The following PAX5 variants were observed in gnomAD, a reference collection of about 807,000 sequenced individuals.
PAX5 encodes the protein paired box 5.
A neutral mutation model predicts 43.7 loss-of-function variants in PAX5; 9 were observed. The ratio of observed to expected loss-of-function variants is 0.21; its 90% CI spans 0.12 to 0.36. The LOEUF is 0.36. Ranked by LOEUF, PAX5 falls within the 10% of genes least tolerant of loss-of-function variation. The pLI, the probability that PAX5 is intolerant of heterozygous loss-of-function variation, is 1.00. For synonymous variants in PAX5, 228 were observed against 214.3 expected, an observed-to-expected ratio of 1.06 and a Z score of -0.56; for missense variants, 383 against 532.7, an observed-to-expected ratio of 0.72 and a Z score of 2.77.
intron 8 of PAX5, among the ~76,000 whole-genome samples, chr9:36,865,818 T>C (rs1310917151): frequency 6.6e-6 from 1 of 152,226 alleles, no homozygotes; most frequent in Non-Finnish European, 1.5e-5. Context: ...CTGGTATGCA[T>C]CCAGACAGGA....
rs188589315 is a variant in PAX5 at position 36,838,906 on chromosome 9, C to A, written c.*1654G>T. 5 of 233,184 alleles carry A rather than the reference C, an allele frequency of 2.1e-5. No individual in the cohort carries two copies. Among genetic ancestry groups the A allele is most frequent in the African/African-American group, 8.8e-5 (4 of 45,342 alleles). 14.4% of individuals were successfully genotyped at this position (233,184 alleles called of 1,614,324 possible). ...CAGGACCAGGACAAGACCTGCCTGG[C>A]CTGCTGATCCCAAGTCCAGTCTCTC... On this transcript the variant is annotated 3_prime_UTR_variant, in exon 10 of 10. Coordinates refer to ENST00000358127, the MANE Select transcript of PAX5 (RefSeq NM_016734.3).
At chr9:36,976,954 G>A (rs955932063) in intron 5 of PAX5, among the ~76,000 whole-genome samples, 14 of 152,308 alleles carry the variant, frequency 9.2e-5, no homozygotes, top group African/African-American at 2.9e-4. Context: ...TCCTGGATCC[G>A]TTGATCCCTG....
intron 3 of PAX5, among the ~76,000 whole-genome samples, chr9:37,011,128 C>CAAAAAAAAAAAAAAA (rs1225031293): frequency 9.9e-6 from 1 of 100,946 alleles, no homozygotes; most frequent in Non-Finnish European, 2.3e-5. Context: ...CTCAAAAAAA[C>CAAAAAAAAAAAAAAA]AAAAAAAAAA....
intron 6 of PAX5, among the ~76,000 whole-genome samples, chr9:36,937,755 C>G (rs972099490): frequency 4.6e-5 from 7 of 152,224 alleles, no homozygotes; most frequent in Admixed American, 2.6e-4. Context: ...ATAGGTTTAG[C>G]CGCAGATGTT....
At chr9:36,842,669 G>T (rs1822169808) in intron 9 of PAX5, among the ~76,000 whole-genome samples, 1 of 152,118 alleles carries the variant, frequency 6.6e-6, no homozygotes, top group Non-Finnish European at 1.5e-5. Context: ...TCAATTTACT[G>T]CTTGACACAG....
At chr9:36,860,425 G>T (rs543179935) in intron 8 of PAX5, among the ~76,000 whole-genome samples, 1 of 152,108 alleles carries the variant, frequency 6.6e-6, no homozygotes, top group Non-Finnish European at 1.5e-5. Flanking sequence ...CGGAGTAAGC[G>T]GGGGGAGGCA....
chr9:36,938,061 T>C (rs1563987871), intron 6 of PAX5, among the ~76,000 whole-genome samples: 1 of 152,202 alleles, frequency 6.6e-6, no homozygotes, highest in South Asian at 2.1e-4. Context: ...TTAGCTATGA[T>C]GTGTAAGCCC....
intron 7 of PAX5, among the ~76,000 whole-genome samples, chr9:36,901,469 A>G (rs1383395746): frequency 6.6e-6 from 1 of 152,078 alleles, no homozygotes; most frequent in Non-Finnish European, 1.5e-5. Context: ...ACATTTACTG[A>G]GCACTTTTGA....
chr9:36,960,218 C>T (rs1027870369), intron 6 of PAX5, among the ~76,000 whole-genome samples: 2 of 152,218 alleles, frequency 1.3e-5, no homozygotes, highest in South Asian at 2.1e-4. Context: ...CAGTGAGCAG[C>T]AGCTTAGAGA....
intron 8 of PAX5, among the ~76,000 whole-genome samples, chr9:36,849,790 G>T (rs1251816876): frequency 2.0e-5 from 3 of 152,200 alleles, no homozygotes; most frequent in Non-Finnish European, 4.4e-5. Context: ...CCAACATGGG[G>T]CCCCTGCCCT....
chr9:36,931,088 G>A, intron 6 of PAX5: 1 of 405,082 alleles, frequency 2.5e-6, no homozygotes, highest in Admixed American at 2.8e-5. Flanking sequence ...CACCTGCTGG[G>A]CTCCTGTAGG....
At chr9:36,858,950 A>G (rs914409647) in intron 8 of PAX5, among the ~76,000 whole-genome samples, 9 of 152,132 alleles carry the variant, frequency 5.9e-5, no homozygotes, top group African/African-American at 2.2e-4. Flanking sequence ...GCTAGTCCCG[A>G]CCTGCGCTGC....
At chr9:36,849,155 G>A (rs750945874) in intron 8 of PAX5, among the ~76,000 whole-genome samples, 3 of 152,208 alleles carry the variant, frequency 2.0e-5, no homozygotes, top group African/African-American at 7.2e-5. Flanking sequence ...AGGTCCGTTG[G>A]ATTCCTCTCT....
chr9:36,980,980 C>T (rs540133254), intron 5 of PAX5, among the ~76,000 whole-genome samples: 151 of 152,246 alleles, frequency 9.9e-4, no homozygotes, highest in African/African-American at 3.6e-3. Context: ...CCCACTCTTT[C>T]CCCGCTTATT....
chr9:36,939,295 C>A (rs10118858), intron 6 of PAX5, among the ~76,000 whole-genome samples: 5,229 of 152,130 alleles, frequency 0.034, 283 homozygotes, highest in African/African-American at 0.12. Flanking sequence ...CCTCAGAGAC[C>A]CTTAAAGCCC....
rs572296176 is a variant in PAX5 at position 36,939,104 on chromosome 9, A to C, written c.781-15620T>G. Among the ~76,000 whole-genome samples the C allele has an allele frequency of 3.9e-5, 6 of 152,326 alleles. No homozygotes were observed. The East Asian group carries it at 1.2e-3, about 29-fold the overall frequency. Reference sequence around the variant, plus strand: ...CGGCCCCTTCCTGTGTCCCCTTCTCAGCGGGAGTATGTACATTCTGTCACC... The same window carrying C: ...CGGCCCCTTCCTGTGTCCCCTTCTCCGCGGGAGTATGTACATTCTGTCACC... On this transcript the variant is annotated intron_variant, in intron 6 of 9. Transcript: ENST00000358127.
intron 5 of PAX5, among the ~76,000 whole-genome samples, chr9:36,979,341 A>G (rs921084403): frequency 6.6e-6 from 1 of 152,230 alleles, no homozygotes; most frequent in African/African-American, 2.4e-5. Flanking sequence ...AATTATAAGA[A>G]GGGCTCTTCA....
intron 7 of PAX5, among the ~76,000 whole-genome samples, chr9:36,900,422 C>T (rs1401398188): frequency 6.6e-6 from 1 of 152,210 alleles, no homozygotes; most frequent in Non-Finnish European, 1.5e-5. Flanking sequence ...ATGGGCCAGG[C>T]CTTATGCCTG....
chr9:36,900,436 G>A (rs921268264), intron 7 of PAX5, among the ~76,000 whole-genome samples: 2 of 152,196 alleles, frequency 1.3e-5, no homozygotes, highest in Non-Finnish European at 2.9e-5. Flanking sequence ...ATGCCTGACT[G>A]GGAAGCCTCC....
Sources: gnomAD v4.1 joint callset for allele counts (sites outside exome capture counted in the v4.1 genomes callset) on GRCh38, gnomAD v4.1.1 for gene constraint, MANE v1.5 for transcripts, NCBI Gene and HGNC (gene_info 2026-07-23, HGNC 2026-07-21) for gene names.